The following MARK1 variants were observed in gnomAD, a reference collection of about 807,000 sequenced individuals.
MARK1 encodes microtubule affinity regulating kinase 1.
Under a neutral mutation model 96.3 loss-of-function variants are expected in MARK1, and 40 were observed. The observed-to-expected ratio is 0.42, with a 90% CI of 0.32 to 0.54. MARK1 has a LOEUF of 0.54. Ranked by LOEUF, MARK1 falls within the 20% of genes least tolerant of loss-of-function variation. The probability of loss-of-function intolerance (pLI) is 0.16; values close to 1 mark genes in which losing one functional copy is unlikely to be tolerated. For synonymous variants in MARK1, 317 were observed against 341.2 expected, an observed-to-expected ratio of 0.93 and a Z score of 0.78; for missense variants, 719 against 984.6, an observed-to-expected ratio of 0.73 and a Z score of 3.61.
At chr1:220,619,431 G>A (rs1213294495) in intron 9 of MARK1, among the ~76,000 whole-genome samples, 2 of 152,084 alleles carry the variant, frequency 1.3e-5, no homozygotes, top group East Asian at 1.9e-4. Context: ...CCAAGATCAC[G>A]CCACTGCACT....
chr1:220,611,209 T>C (rs1415077383), intron 6 of MARK1, among the ~76,000 whole-genome samples: 3 of 152,180 alleles, frequency 2.0e-5, no homozygotes, highest in African/African-American at 7.2e-5. Flanking sequence ...GTAGGCCTAG[T>C]TGGGCTGCGG....
At chr1:220,610,438 T>G (rs1177009977) in intron 6 of MARK1, among the ~76,000 whole-genome samples, 1 of 152,182 alleles carries the variant, frequency 6.6e-6, no homozygotes, top group Non-Finnish European at 1.5e-5. Flanking sequence ...TTTATTCTAC[T>G]TAGCCATTCG....
chr1:220,582,171 T>G (rs995173435), intron 3 of MARK1, among the ~76,000 whole-genome samples: 1 of 152,208 alleles, frequency 6.6e-6, no homozygotes, highest in African/African-American at 2.4e-5. Context: ...CCTTTGTACT[T>G]ATCGGAGATT....
chr1:220,607,586 C>A (rs1291026915), intron 6 of MARK1, among the ~76,000 whole-genome samples: 1 of 151,758 alleles, frequency 6.6e-6, no homozygotes, highest in Non-Finnish European at 1.5e-5. Flanking sequence ...GAGAGGACAT[C>A]CCTGTCGTGT....
chr1:220,613,754 A>G (rs896651071), intron 6 of MARK1, among the ~76,000 whole-genome samples: 4 of 152,224 alleles, frequency 2.6e-5, no homozygotes, highest in Non-Finnish European at 5.9e-5. Context: ...ACAAATTTTC[A>G]TCATTAGAAC....
At chr1:220,642,695 A>G (rs1572222244) in intron 13 of MARK1, among the ~76,000 whole-genome samples, 1 of 152,190 alleles carries the variant, frequency 6.6e-6, no homozygotes, top group Non-Finnish European at 1.5e-5. Context: ...AAGTGGGGTT[A>G]GTAGACAACT....
At chr1:220,628,772 C>T (rs1667496865) in intron 9 of MARK1, among the ~76,000 whole-genome samples, 4 of 152,000 alleles carry the variant, frequency 2.6e-5, no homozygotes, top group Admixed American at 2.0e-4. Flanking sequence ...AATATGAATT[C>T]TCTAGAAAGT....
intron 13 of MARK1, among the ~76,000 whole-genome samples, chr1:220,636,552 TGAAAG>T (rs1246441604): frequency 6.6e-6 from 1 of 151,920 alleles, no homozygotes; most frequent in Non-Finnish European, 1.5e-5. Flanking sequence ...ATAGGTGTTT[TGAAAG>T]GAAAGGGAGC....
chr1:220,658,855 C>A (rs983742447), intron 17 of MARK1, among the ~76,000 whole-genome samples: 3 of 152,084 alleles, frequency 2.0e-5, no homozygotes, highest in African/African-American at 7.2e-5. Flanking sequence ...CCTGAGTCAC[C>A]ACAGTAGGGA....
Position 220,581,687 on chromosome 1 carries a change from T to C in MARK1, c.309+569T>C, listed in dbSNP as rs141391719. On this transcript the variant is annotated intron_variant, in intron 3 of 17. Coordinates refer to ENST00000366917, the MANE Select transcript of MARK1 (RefSeq NM_018650.5). ...CTCTTCTTCCTTCTTCCACAAGAAC[T>C]ACTAGTCTTTCAGATAACTCACAGT... Among the ~76,000 whole-genome samples the C allele has an allele frequency of 1.7e-3, 266 of 152,310 alleles. 1 individual carries two copies. Among genetic ancestry groups the C allele is most frequent in the African/African-American group, 6.0e-3 (251 of 41,578 alleles).
intron 1 of MARK1, among the ~76,000 whole-genome samples, chr1:220,566,504 TGC>T (rs1246189297): frequency 1.3e-5 from 2 of 152,176 alleles, no homozygotes; most frequent in Admixed American, 1.3e-4. Context: ...AGCAAACCGT[TGC>T]TGGGGTTTTT....
In MARK1 at chr1:220,580,394, T is replaced by C. The variant is rs1664153050; in HGVS notation, c.256-671T>C. On this transcript the variant is annotated intron_variant, in intron 2 of 17. Transcript: ENST00000366917. ...TTGGGAGCTTGAGGTGAGGATTACT[T>C]GAGCCCGGGAGGTCAAGGCTGCAGT... is the stretch of plus-strand genomic sequence containing the variant. Among the ~76,000 whole-genome samples the C allele has an allele frequency of 3.3e-5, 5 of 152,032 alleles. No individual in the cohort carries two copies. In the South Asian group the frequency reaches 1.0e-3, roughly 32 times the overall value.
intron 1 of MARK1, among the ~76,000 whole-genome samples, chr1:220,534,339 G>A (rs182119650): frequency 5.3e-5 from 8 of 152,056 alleles, no homozygotes; most frequent in African/African-American, 1.9e-4. Context: ...ATGTACAATT[G>A]ATTAGTTAAC....
chr1:220,577,795 G>A (rs908863274), intron 1 of MARK1, among the ~76,000 whole-genome samples: 2 of 152,276 alleles, frequency 1.3e-5, no homozygotes, highest in African/African-American at 2.4e-5. Flanking sequence ...GGAGACAGAC[G>A]AGTAAATGTA....
intron 1 of MARK1, among the ~76,000 whole-genome samples, chr1:220,541,584 G>C (rs1451232137): frequency 7.2e-5 from 11 of 152,156 alleles, no homozygotes. Context: ...CTTCTGTTCT[G>C]ATGTTGGGTA....
intron 10 of MARK1, among the ~76,000 whole-genome samples, chr1:220,631,991 G>A (rs1667704745): frequency 6.6e-6 from 1 of 152,128 alleles, no homozygotes; most frequent in African/African-American, 2.4e-5. Flanking sequence ...TAACCATGAT[G>A]TAGGTAATTT....
At chr1:220,660,704 A>G (rs1669432933) in intron 17 of MARK1, among the ~76,000 whole-genome samples, 1 of 152,342 alleles carries the variant, frequency 6.6e-6, no homozygotes, top group East Asian at 1.9e-4. Context: ...GACTGTTTGA[A>G]ATAGGCTTTT....
At chr1:220,578,892 G>A (rs1447297061) in intron 1 of MARK1, among the ~76,000 whole-genome samples, 1 of 152,100 alleles carries the variant, frequency 6.6e-6, no homozygotes, top group Non-Finnish European at 1.5e-5. Context: ...ACCCAGGCTG[G>A]AGTGCACTGA....
At chr1:220,549,771 C>T (rs1362620834) in intron 1 of MARK1, among the ~76,000 whole-genome samples, 2 of 152,176 alleles carry the variant, frequency 1.3e-5, no homozygotes, top group Non-Finnish European at 2.9e-5. Flanking sequence ...TGGGGTTTAT[C>T]CCGAGCTCAG....
Sources: gnomAD v4.1 joint callset for allele counts (sites outside exome capture counted in the v4.1 genomes callset) on GRCh38, gnomAD v4.1.1 for gene constraint, MANE v1.5 for transcripts, NCBI Gene and HGNC (gene_info 2026-07-23, HGNC 2026-07-21) for gene names.